IMPG1: variants seen among roughly 807,000 people sequenced by gnomAD.
IMPG1 encodes interphotoreceptor matrix proteoglycan 1.
IMPG1 carries 85 observed loss-of-function variants against 92.0 expected under a neutral mutation model. The observed-to-expected ratio is 0.92, with a 90% CI of 0.78 to 1.11. The LOEUF is 1.11. Ranked by LOEUF, IMPG1 falls within the 50% of genes least tolerant of loss-of-function variation. The pLI is 0.00. For missense variants in IMPG1, 1,022 were observed against 956.0 expected, an observed-to-expected ratio of 1.07 and a Z score of -0.91; for synonymous variants, 367 against 334.1, an observed-to-expected ratio of 1.10 and a Z score of -1.08.
chr6:75,945,359 T>TTTTTTTTTTTTTTC (rs1781909076), intron 14 of IMPG1, among the ~76,000 whole-genome samples: 2 of 100,824 alleles, frequency 2.0e-5, no homozygotes, highest in African/African-American at 3.5e-5. Flanking sequence ...TTTTTTTTTC[T>TTTTTTTTTTTTTTC]TTTTTTTTTT....
chr6:75,948,884 C>T (rs1781977614), intron 13 of IMPG1, among the ~76,000 whole-genome samples: 1 of 152,122 alleles, frequency 6.6e-6, no homozygotes, highest in African/African-American at 2.4e-5. Context: ...TTCCTCTCTG[C>T]TTCTCACAAG....
At chr6:76,024,769 C>T in intron 5 of IMPG1, 1 of 283,670 alleles carries the variant, frequency 3.5e-6, no homozygotes, top group Non-Finnish European at 6.9e-6. Context: ...TTGATGACAT[C>T]CATATGGATG....
rs1783777372 is a variant in IMPG1, at chr6:76,038,360, G to A, written c.301+3533C>T. ...CTCCCTGTGACATTGTAGTTTATGG[G>A]AATCATAATGTTAAGGATGAAATCT... On this transcript the variant is annotated intron_variant, in intron 2 of 16. Transcript: ENST00000369950. Among the ~76,000 whole-genome samples the A allele has an allele frequency of 2.0e-5, 3 of 152,272 alleles. 1 individual carries two copies. In the South Asian group the frequency reaches 6.2e-4, roughly 32 times the overall value.
intron 13 of IMPG1, among the ~76,000 whole-genome samples, chr6:75,949,395 C>T (rs1351039414): frequency 6.6e-5 from 10 of 152,180 alleles, no homozygotes; most frequent in Non-Finnish European, 1.3e-4. Context: ...TGACAGTTTA[C>T]AAATGCCATG....
At chr6:76,065,115 C>A (rs1012068570) in intron 1 of IMPG1, among the ~76,000 whole-genome samples, 1 of 151,750 alleles carries the variant, frequency 6.6e-6, no homozygotes, top group Admixed American at 6.6e-5. Context: ...CAAATAAATT[C>A]AAAAATGAAA....
At chr6:75,996,167 T>G (rs1004428429) in intron 12 of IMPG1, among the ~76,000 whole-genome samples, 2 of 152,142 alleles carry the variant, frequency 1.3e-5, no homozygotes, top group African/African-American at 4.8e-5. Context: ...GTGCAGAGAA[T>G]CTACATGGGA....
At chr6:75,939,389 C>G (rs1482415658) in intron 14 of IMPG1, among the ~76,000 whole-genome samples, 2 of 152,044 alleles carry the variant, frequency 1.3e-5, no homozygotes, top group Non-Finnish European at 2.9e-5. Context: ...TGTGATGTTC[C>G]CCTTCCTGTG....
At chr6:75,977,271 C>T (rs1034280615) in intron 12 of IMPG1, among the ~76,000 whole-genome samples, 3 of 152,098 alleles carry the variant, frequency 2.0e-5, no homozygotes, top group African/African-American at 7.2e-5. Flanking sequence ...TTGCTAGGAA[C>T]TTGGCAGATT....
chr6:75,965,438 C>T (rs937388812), intron 12 of IMPG1, among the ~76,000 whole-genome samples: 4 of 151,350 alleles, frequency 2.6e-5, no homozygotes, highest in Non-Finnish European at 4.4e-5. Context: ...ATTTGGACTT[C>T]CCTAATAAAT....
intron 12 of IMPG1, among the ~76,000 whole-genome samples, chr6:75,956,780 C>T (rs972529573): frequency 2.6e-5 from 4 of 152,058 alleles, no homozygotes; most frequent in African/African-American, 7.2e-5. Context: ...CCCAGAGATT[C>T]TGGTACATTG....
At chr6:76,031,708 T>C (rs1256161902) in intron 4 of IMPG1, among the ~76,000 whole-genome samples, 2 of 152,246 alleles carry the variant, frequency 1.3e-5, no homozygotes, top group Non-Finnish European at 2.9e-5. Flanking sequence ...TCTTTGTTTA[T>C]AGTAAGATCT....
At chr6:76,051,231 C>G (rs1290196571) in intron 1 of IMPG1, among the ~76,000 whole-genome samples, 1 of 152,168 alleles carries the variant, frequency 6.6e-6, no homozygotes, top group Non-Finnish European at 1.5e-5. Context: ...GGTCCTCCCA[C>G]TACATTAGTA....
At chr6:75,929,951 T>C (rs558475936) in intron 15 of IMPG1, among the ~76,000 whole-genome samples, 10 of 152,292 alleles carry the variant, frequency 6.6e-5, no homozygotes, top group South Asian at 4.1e-4. Context: ...GAAAATTAGT[T>C]ACCTCATTAA....
In IMPG1 at chr6:76,040,871, T is replaced by C. The variant is rs191546175; in HGVS notation, c.301+1022A>G. Among the ~76,000 whole-genome samples the C allele has an allele frequency of 2.7e-3, 417 of 152,322 alleles. 1 individual carries two copies. Among genetic ancestry groups the C allele is most frequent in the Non-Finnish European group, 4.1e-3 (276 of 68,018 alleles). ...ATCCAAGAAGTTTTCTGGATGTTGG[T>C]ATTGTGAAATGGGTACTCAGTTGTC... On this transcript the variant is annotated intron_variant, in intron 2 of 16. Transcript: ENST00000369950.
chr6:76,064,615 A>G (rs1370929881), intron 1 of IMPG1, among the ~76,000 whole-genome samples: 1 of 152,088 alleles, frequency 6.6e-6, no homozygotes, highest in South Asian at 2.1e-4. Context: ...CCATTGGGGT[A>G]TCCAAGGGTG....
chr6:75,993,580 C>T (rs1782850306), intron 12 of IMPG1, among the ~76,000 whole-genome samples: 1 of 151,982 alleles, frequency 6.6e-6, no homozygotes, highest in African/African-American at 2.4e-5. Flanking sequence ...AGGGCTCGGC[C>T]CTCATGACCT....
intron 14 of IMPG1, among the ~76,000 whole-genome samples, chr6:75,942,498 A>G (rs879284055): frequency 6.6e-6 from 1 of 152,214 alleles, no homozygotes; most frequent in Non-Finnish European, 1.5e-5. Context: ...TGAAAAGTCC[A>G]CACCAGCAAT....
intron 12 of IMPG1, among the ~76,000 whole-genome samples, chr6:75,956,774 G>A (rs181909301): frequency 6.6e-6 from 1 of 152,230 alleles, no homozygotes; most frequent in African/African-American, 2.4e-5. Context: ...CTGTGTCCCA[G>A]AGATTCTGGT....
chr6:75,964,947 T>C (rs1216026650), intron 12 of IMPG1, among the ~76,000 whole-genome samples: 2 of 152,208 alleles, frequency 1.3e-5, no homozygotes, highest in African/African-American at 4.8e-5. Flanking sequence ...TCAAGGATGT[T>C]ATATAAATGG....
Sources: gnomAD v4.1 joint callset for allele counts (sites outside exome capture counted in the v4.1 genomes callset) on GRCh38, gnomAD v4.1.1 for gene constraint, MANE v1.5 for transcripts, NCBI Gene and HGNC (gene_info 2026-07-23, HGNC 2026-07-21) for gene names.